SKP2: variants seen among roughly 807,000 people sequenced by gnomAD.
SKP2 encodes the protein S-phase kinase associated protein 2.
In SKP2, 16 loss-of-function variants were observed where a neutral mutation model predicts 51.8. The ratio of observed to expected loss-of-function variants is 0.31; its 90% CI spans 0.21 to 0.47. The LOEUF (loss-of-function observed/expected upper bound fraction) is 0.47. Among genes scored for constraint, SKP2 ranks in the 20% least tolerant of loss-of-function variants. SKP2 has a pLI of 1.00. For synonymous variants in SKP2, 176 were observed against 198.6 expected (o/e 0.89, Z 0.96); for missense variants, 377 against 505.3 (o/e 0.75, Z 2.43).
chr5:36,168,397 G>T lies in SKP2; in HGVS notation c.621G>T (p.Lys207Asn), dbSNP rs1343105707. ...TLHGILSQCS[K>N]LQNLSLEGLR... ...ACGGCATACTGTCTCAGTGTTCCAA[G>T]TTGCAGAATCTAAGCCTGGAAGGCC... is the stretch of plus-strand genomic sequence containing the variant. Residue 207 changes from lysine (K) to asparagine (N), a missense_variant, in exon 5 of 10, where the codon AAG (lysine) becomes AAT (asparagine). By Grantham distance (94) the Lys-to-Asn change is moderately conservative. Around this residue, in one of 2 missense-constraint regions of SKP2, gnomAD observed 262 missense variants for 389.8 expected, o/e 0.67. Transcript: ENST00000274255. 2 of 1,614,186 alleles carry T rather than the reference G, an allele frequency of 1.2e-6. No individual in the cohort carries two copies. Among genetic ancestry groups the T allele is most frequent in the Non-Finnish European group, 1.7e-6 (2 of 1,180,012 alleles).
chr5:36,174,890 G>T (rs960587712), intron 7 of SKP2, among the ~76,000 whole-genome samples: 7 of 152,120 alleles, frequency 4.6e-5, no homozygotes, highest in African/African-American at 1.7e-4. Flanking sequence ...GTGTGAGAGG[G>T]AGCAGGGAGA....
At chr5:36,186,726 C>T (rs551932445), downstream of SKP2, among the ~76,000 whole-genome samples, 3 of 151,832 alleles carry the variant, frequency 2.0e-5, no homozygotes, top group South Asian at 2.1e-4. Flanking sequence ...TGTCTCTGCC[C>T]GGCTTTGGTA....
chr5:36,192,822 T>C (rs1746066505), intron 7 of SKP2: 1 of 152,176 alleles, frequency 6.6e-6, no homozygotes, highest in Non-Finnish European at 1.5e-5. Flanking sequence ...TAACATTTTG[T>C]GAAAACTAGT....
downstream of SKP2, among the ~76,000 whole-genome samples, chr5:36,189,264 C>T (rs751774072): frequency 9.2e-5 from 14 of 152,200 alleles, no homozygotes; most frequent in African/African-American, 1.4e-4. Flanking sequence ...CCATTGCTGG[C>T]GAGGAGCTTT....
chr5:36,184,547 A>G (rs1158269225), downstream of SKP2, among the ~76,000 whole-genome samples: 1 of 152,094 alleles, frequency 6.6e-6, no homozygotes, highest in Non-Finnish European at 1.5e-5. Context: ...TTTGCTGAGA[A>G]TGATGGTTTC....
chr5:36,176,138 A>G (rs1409496420), intron 7 of SKP2, among the ~76,000 whole-genome samples: 2 of 151,954 alleles, frequency 1.3e-5, no homozygotes, highest in Non-Finnish European at 1.5e-5. Flanking sequence ...CTGAGAAGAA[A>G]TATTTCTAAT....
chr5:36,189,942 G>A (rs933065824), intron 6 of SKP2, among the ~76,000 whole-genome samples: 6 of 152,100 alleles, frequency 3.9e-5, no homozygotes, highest in Non-Finnish European at 5.9e-5. Context: ...CCCTAGCCTC[G>A]CTGCTGCCTT....
At chr5:36,180,859 G>T (rs886301675) in intron 9 of SKP2, among the ~76,000 whole-genome samples, 1 of 152,180 alleles carries the variant, frequency 6.6e-6, no homozygotes, top group Non-Finnish European at 1.5e-5. Flanking sequence ...TCATTGATCT[G>T]TAGTAGGATT....
rs1745655734 is a variant in SKP2, at chr5:36,177,016, G to A, written c.953G>A (p.Ser318Asn). 6.3e-7 allele frequency: 1 copy of A among 1,585,160 alleles called. No homozygotes were observed. Among genetic ancestry groups the A allele is most frequent in the East Asian group, 2.2e-5 (1 of 44,672 alleles). The change falls in exon 8 of 10, where the codon AGT becomes AAT. Residue 318 changes from serine (S) to asparagine (N), a missense_variant and splice_region_variant. Ser to Asn is a conservative substitution (Grantham distance 46). This residue lies in a region of SKP2 where 262 missense variants were observed against 389.8 expected (regional missense o/e 0.67). Transcript: ENST00000274255. Reference sequence around the variant, plus strand: ...CCCAATCTTGTCCATCTAGACTTAAGGTATTTTTTTATTTGTTTATTTTAG... The same window carrying A: ...CCCAATCTTGTCCATCTAGACTTAAAGTATTTTTTTATTTGTTTATTTTAG... ...RCPNLVHLDL[S>N]DSVMLKNDCF...
At chr5:36,152,634 A>C in intron 1 of SKP2, 137 bp from the exon 2 acceptor site, 1 of 858,658 alleles carries the variant, frequency 1.2e-6, no homozygotes, top group Non-Finnish European at 1.8e-6. Context: ...AACTCGCCGC[A>C]GGCACATAAA....
intron 7 of SKP2, among the ~76,000 whole-genome samples, chr5:36,174,453 T>A (rs1248471805): frequency 6.6e-6 from 1 of 152,126 alleles, no homozygotes; most frequent in Non-Finnish European, 1.5e-5. Flanking sequence ...TGCTGATGGC[T>A]AGTTGGCTGG....
intron 5 of SKP2, among the ~76,000 whole-genome samples, chr5:36,169,224 C>T (rs1034503600): frequency 6.6e-6 from 1 of 152,146 alleles, no homozygotes; most frequent in Non-Finnish European, 1.5e-5. Flanking sequence ...GTGGGCAGAT[C>T]ACCTGAGGTT....
chr5:36,169,561 G>A (rs978426527), intron 5 of SKP2, among the ~76,000 whole-genome samples: 4 of 152,202 alleles, frequency 2.6e-5, no homozygotes, highest in East Asian at 3.8e-4. Context: ...AGGGTCCATC[G>A]AGGATAGAAG....
intron 7 of SKP2, among the ~76,000 whole-genome samples, chr5:36,175,358 C>G (rs534811285): frequency 6.6e-6 from 1 of 152,132 alleles, no homozygotes; most frequent in African/African-American, 2.4e-5. Flanking sequence ...AGAGGCCTAT[C>G]TCATATCCAA....
intron 7 of SKP2, among the ~76,000 whole-genome samples, chr5:36,174,275 G>GAAAT (rs1167522956): frequency 5.9e-5 from 9 of 152,216 alleles, no homozygotes; most frequent in African/African-American, 2.2e-4. Flanking sequence ...TGTTTATGGT[G>GAAAT]AAATGAAGGG....
chr5:36,174,890 G>A (rs960587712), intron 7 of SKP2, among the ~76,000 whole-genome samples: 1 of 152,120 alleles, frequency 6.6e-6, no homozygotes, highest in Non-Finnish European at 1.5e-5. Context: ...GTGTGAGAGG[G>A]AGCAGGGAGA....
chr5:36,183,324 T>C lies in SKP2; in HGVS notation c.*1293T>C. On this transcript the variant is annotated 3_prime_UTR_variant, in exon 10 of 10. Transcript: ENST00000274255. ...CTCTGTCACCAAGGCCGGAGTGCAG[T>C]GGTGCGATCTCGGCTCACTGCAAGC... 1 of 421,094 alleles carries C rather than the reference T, an allele frequency of 2.4e-6. No individual in the cohort carries two copies. The highest frequency in any genetic ancestry group is 9.8e-5 in the South Asian group (1 of 10,222). The allele number at this position is 421,094 out of a possible 1,614,324, so 26.1% of individuals were successfully genotyped here. A position where few individuals can be genotyped will look rare whatever the true frequency, so the allele number is the denominator to read the frequency against.
chr5:36,169,007 G>T (rs1745382379), intron 5 of SKP2, among the ~76,000 whole-genome samples: 1 of 152,222 alleles, frequency 6.6e-6, no homozygotes, highest in African/African-American at 2.4e-5. Flanking sequence ...AACTTCCTGT[G>T]TGGTTCTAAA....
At chr5:36,168,898 C>G (rs577606947) in intron 5 of SKP2, among the ~76,000 whole-genome samples, 4 of 152,366 alleles carry the variant, frequency 2.6e-5, no homozygotes, top group Admixed American at 1.3e-4. Context: ...TGTGGCAACA[C>G]ACGAGGAGCC....
Sources: gnomAD v4.1 joint callset for allele counts (sites outside exome capture counted in the v4.1 genomes callset) on GRCh38, gnomAD v4.1.1 for gene constraint, gnomAD v4.1.1 regional missense constraint, MANE v1.5 for transcripts, NCBI Gene and HGNC (gene_info 2026-07-23, HGNC 2026-07-21) for gene names.